CHD9: variants seen among roughly 807,000 people sequenced by gnomAD.
CHD9 encodes ATP-dependent chromatin remodeler CHD9.
In CHD9, 77 loss-of-function variants were observed where a neutral mutation model predicts 316.1. That is an observed-to-expected ratio of 0.24 (90% CI 0.20 to 0.29). The LOEUF (loss-of-function observed/expected upper bound fraction) is 0.29, where lower values mean the gene tolerates loss of function less well. Among genes scored for constraint, CHD9 ranks in the 10% least tolerant of loss-of-function variants. The pLI is 1.00. For missense variants in CHD9, 2,763 were observed against 3,438.1 expected, an observed-to-expected ratio of 0.80 and a Z score of 4.91; for synonymous variants, 1,129 against 1,158.3, an observed-to-expected ratio of 0.97 and a Z score of 0.51.
rs763799585 is a variant in CHD9, at chr16:53,249,937, T to C, written c.3732T>C (p.Phe1244=). The C allele has an allele frequency of 1.9e-6, 3 of 1,613,768 alleles. No homozygotes were observed. Among genetic ancestry groups the C allele is most frequent in the African/African-American group, 1.3e-5 (1 of 74,938 alleles). The change falls in exon 17 of 39, where the codon TTT becomes TTC. Residue 1244 remains phenylalanine, a synonymous_variant. Transcript: ENST00000447540. ...GNLRQAAIDR[F]SKPDSDRFVF... ...TTCGGCAAGCTGCTATAGATAGATT[T>C]AGTAAACCTGATTCAGATAGATTTG...
chr16:53,300,357 A>G (rs2055255535), intron 30 of CHD9, among the ~76,000 whole-genome samples: 1 of 152,178 alleles, frequency 6.6e-6, no homozygotes, highest in East Asian at 1.9e-4. Flanking sequence ...CGTCTCAAAA[A>G]AAAAAAAAGA....
chr16:53,100,528 A>G (rs1182209088), intron 1 of CHD9, among the ~76,000 whole-genome samples: 1 of 147,816 alleles, frequency 6.8e-6, no homozygotes, highest in East Asian at 2.0e-4. Context: ...GGCTGATCAT[A>G]GCTCAGTGAA....
At position 53,297,071 on chromosome 16, in the gene CHD9, C is replaced by A. The variant is rs1229440411; in HGVS notation, c.5626C>A (p.His1876Asn). The change falls in exon 30 of 39, where the codon CAT (histidine) becomes AAT (asparagine). Residue 1876 changes from histidine to asparagine, a missense_variant. By Grantham distance (68) the His-to-Asn change is moderately conservative. Coordinates refer to ENST00000447540, the MANE Select transcript of CHD9 (RefSeq NM_001308319.2). ...WTKFRAMARL[H>N]KKTDDSLEKY... Reference sequence around the variant, plus strand: ...AAAATTTAGAGCTATGGCTAGGCTACATAAGAAAACTGATGATAGTTTGGA... The same window carrying A: ...AAAATTTAGAGCTATGGCTAGGCTAAATAAGAAAACTGATGATAGTTTGGA... 6.2e-7 allele frequency: 1 copy of A among 1,613,780 alleles called. No individual in the cohort carries two copies. Among genetic ancestry groups the A allele is most frequent in the Non-Finnish European group, 8.5e-7 (1 of 1,179,786 alleles).
At chr16:53,127,009 C>G (rs2038999800) in intron 1 of CHD9, among the ~76,000 whole-genome samples, 1 of 150,798 alleles carries the variant, frequency 6.6e-6, no homozygotes, top group Admixed American at 6.6e-5. Context: ...GGCTGGAGTG[C>G]AGTGGCGTGA....
intron 30 of CHD9, among the ~76,000 whole-genome samples, chr16:53,301,747 CCTCT>C (rs1450689779): frequency 6.6e-6 from 1 of 150,530 alleles, no homozygotes; most frequent in Non-Finnish European, 1.5e-5. Context: ...TCTCACCCTT[CCTCT>C]CTCTTTCTTT....
Position 53,295,947 on chromosome 16 carries a change from G to A in CHD9, c.5511-1009G>A, listed in dbSNP as rs1211386916. Among the ~76,000 whole-genome samples the A allele has an allele frequency of 3.3e-5, 5 of 152,280 alleles. No homozygotes were observed. The East Asian group carries it at 9.6e-4, about 29-fold the overall frequency. ...GATTACTTTTACCCAGGCCTTTAGA[G>A]CATTTCATAATCTGACCCAAACCCT... On this transcript the variant is annotated intron_variant, in intron 29 of 38. Coordinates refer to ENST00000447540, the MANE Select transcript of CHD9 (RefSeq NM_001308319.2).
chr16:53,245,567 A>T lies in CHD9; in HGVS notation c.3199-28A>T. The T allele has an allele frequency of 6.5e-7, 1 of 1,540,534 alleles. No individual in the cohort carries two copies. Among genetic ancestry groups the T allele is most frequent in the Non-Finnish European group, 8.7e-7 (1 of 1,148,292 alleles). The stretch of plus-strand genomic sequence containing the variant: ...GTGTAATTAAATGCTCACTTATGTT[A>T]TATGTCTTTTTATCATTTTTTATTC... On this transcript the variant is annotated intron_variant, in intron 14 of 38. Transcript: ENST00000447540. The surrounding 1 kb of genome is among the most constrained non-coding windows in gnomAD (Gnocchi z 4.1).
At chr16:53,290,354 A>G (rs1334563866) in intron 27 of CHD9, among the ~76,000 whole-genome samples, 2 of 152,222 alleles carry the variant, frequency 1.3e-5, no homozygotes, top group Non-Finnish European at 2.9e-5. Flanking sequence ...GGTGATCACC[A>G]GAATTAGGAC....
At chr16:53,063,841 T>G (rs556598109) in intron 1 of CHD9, among the ~76,000 whole-genome samples, 1 of 151,428 alleles carries the variant, frequency 6.6e-6, no homozygotes, top group African/African-American at 2.4e-5. Context: ...TTTTTTTTTT[T>G]TTTTTTTAAG....
At chr16:53,238,206 AC>A (rs2048794001) in intron 11 of CHD9, 136 bp from the exon 12 acceptor site, 2 of 742,466 alleles carry the variant, frequency 2.7e-6, no homozygotes, top group Non-Finnish European at 4.2e-6. Context: ...TCTTAAGCCT[AC>A]CCTGCACTTA....
At chr16:53,122,126 T>C (rs924014383) in intron 1 of CHD9, 1 of 151,818 alleles carries the variant, frequency 6.6e-6, no homozygotes, top group Non-Finnish European at 1.5e-5. Flanking sequence ...CATTAATGCC[T>C]CAGCCTGTGA....
chr16:53,204,058 TACACACACACACACAC>T (rs58259105), intron 2 of CHD9, among the ~76,000 whole-genome samples: 1 of 62,964 alleles, frequency 1.6e-5, no homozygotes, highest in Non-Finnish European at 3.9e-5. Flanking sequence ...AATATATATA[TACACACACACACACAC>T]ACACACACAC....
intron 1 of CHD9, among the ~76,000 whole-genome samples, chr16:53,145,542 A>G (rs2040503514): frequency 6.6e-6 from 1 of 151,856 alleles, no homozygotes; most frequent in African/African-American, 2.4e-5. Flanking sequence ...CCCTGTCTCT[A>G]CTAAAAATAC....
At position 53,227,438 on chromosome 16, in the gene CHD9, C is replaced by G; in HGVS notation, c.2086C>G (p.Leu696Val). 6.4e-7 allele frequency: 1 copy of G among 1,570,126 alleles called. No individual in the cohort carries two copies. The highest frequency in any genetic ancestry group is 8.6e-7 in the Non-Finnish European group (1 of 1,156,688). The change falls in exon 6 of 39, where the codon CTA becomes GTA. Residue 696 changes from leucine to valine, a missense_variant. Leu to Val is a conservative substitution (Grantham distance 32). This residue lies in a region of CHD9 where 859 missense variants were observed against 890.4 expected (regional missense o/e 0.96). Coordinates refer to ENST00000447540, the MANE Select transcript of CHD9 (RefSeq NM_001308319.2). ...EEDAAIVDKI[L>V]SSRTVKKEIS... is the part of the protein sequence containing the mutation. ...AGATGCTGCAATTGTAGACAAAATT[C>G]TATCTTCTAGAACCGTAAAAAAGGA...
chr16:53,219,070 G>T (rs1380142226), intron 3 of CHD9, among the ~76,000 whole-genome samples: 1 of 152,120 alleles, frequency 6.6e-6, no homozygotes, highest in African/African-American at 2.4e-5. Context: ...GGAAACTAAT[G>T]CCTTGTTTCT....
chr16:53,180,132 G>T (rs187415564), intron 2 of CHD9, among the ~76,000 whole-genome samples: 1 of 147,150 alleles, frequency 6.8e-6, no homozygotes, highest in African/African-American at 2.5e-5. Context: ...TCAGCCTCCC[G>T]AGTAGCTGGG....
At chr16:53,088,333 A>G (rs1390354184) in intron 1 of CHD9, among the ~76,000 whole-genome samples, 1 of 137,640 alleles carries the variant, frequency 7.3e-6, no homozygotes, top group Admixed American at 8.1e-5. Context: ...GCTGGAGTGC[A>G]GTGGCGCGAT....
intron 24 of CHD9, among the ~76,000 whole-genome samples, chr16:53,276,879 A>C (rs2052887615): frequency 6.6e-6 from 1 of 152,172 alleles, no homozygotes; most frequent in South Asian, 2.1e-4. Context: ...CAAGAAAAGA[A>C]GAGAGAAAAT....
chr16:53,074,509 A>G (rs1164476968), intron 1 of CHD9, among the ~76,000 whole-genome samples: 1 of 152,134 alleles, frequency 6.6e-6, no homozygotes, highest in Non-Finnish European at 1.5e-5. Context: ...ACAGGCCCAG[A>G]GGTTGAGGAG....
Sources: gnomAD v4.1 joint callset for allele counts (sites outside exome capture counted in the v4.1 genomes callset) on GRCh38, gnomAD v4.1.1 for gene constraint, gnomAD v4.1.1 regional missense constraint, Gnocchi (gnomAD v3.1) non-coding constraint, MANE v1.5 for transcripts, NCBI Gene and HGNC (gene_info 2026-07-23, HGNC 2026-07-21) for gene names.